MAGI2: variants seen among roughly 807,000 people sequenced by gnomAD.
The protein encoded by MAGI2 is membrane-associated guanylate kinase, WW and PDZ domain-containing protein 2.
Under a neutral mutation model 133.3 loss-of-function variants are expected in MAGI2, and 35 were observed. The ratio of observed to expected loss-of-function variants is 0.26; its 90% CI spans 0.20 to 0.35. The LOEUF (loss-of-function observed/expected upper bound fraction) is 0.35, where lower values mean the gene tolerates loss of function less well. MAGI2 is among the 10% of genes least tolerant of loss of function. MAGI2 has a pLI of 1.00. For synonymous variants in MAGI2, 729 were observed against 710.6 expected, an observed-to-expected ratio of 1.03 and a Z score of -0.41; for missense variants, 1,636 against 1,863.4, an observed-to-expected ratio of 0.88 and a Z score of 2.25.
At chr7:78,674,048 A>G (rs1814710105) in intron 2 of MAGI2, among the ~76,000 whole-genome samples, 3 of 152,166 alleles carry the variant, frequency 2.0e-5, no homozygotes, top group Non-Finnish European at 4.4e-5. Flanking sequence ...GCTTAAATTA[A>G]AAGAGACAAT....
chr7:79,352,482 A>G (rs915423696), intron 1 of MAGI2, among the ~76,000 whole-genome samples: 1 of 152,198 alleles, frequency 6.6e-6, no homozygotes, highest in Non-Finnish European at 1.5e-5. Flanking sequence ...TCAGGATTCC[A>G]GGCAGTTCTG....
intron 20 of MAGI2, among the ~76,000 whole-genome samples, chr7:78,098,922 AT>A (rs1817954405): frequency 6.6e-6 from 1 of 151,834 alleles, no homozygotes; most frequent in Non-Finnish European, 1.5e-5. Context: ...TACTTTGCCA[AT>A]TTTTTTCCCA....
chr7:78,151,889 G>A (rs1823906888), intron 16 of MAGI2, among the ~76,000 whole-genome samples: 1 of 152,026 alleles, frequency 6.6e-6, no homozygotes, highest in Admixed American at 6.6e-5. Context: ...CTTTTGATGA[G>A]GATTGCGCTG....
chr7:79,171,788 T>C (rs1825647811), intron 1 of MAGI2, among the ~76,000 whole-genome samples: 1 of 103,346 alleles, frequency 9.7e-6, no homozygotes, highest in Non-Finnish European at 2.1e-5. Flanking sequence ...TTTTTTTTTC[T>C]TTTAAAGGGT....
chr7:79,238,654 G>C (rs1354017539), intron 1 of MAGI2, among the ~76,000 whole-genome samples: 2 of 152,138 alleles, frequency 1.3e-5, no homozygotes, highest in African/African-American at 2.4e-5. Context: ...TCATCATTAA[G>C]AGTAGCTAGT....
At chr7:78,665,782 T>C (rs1235857526) in intron 2 of MAGI2, among the ~76,000 whole-genome samples, 6 of 152,308 alleles carry the variant, frequency 3.9e-5, no homozygotes, top group Admixed American at 2.0e-4. Context: ...TGTTAATTCA[T>C]GTCTTCATGT....
chr7:79,237,276 C>T (rs1199173598), intron 1 of MAGI2, among the ~76,000 whole-genome samples: 12 of 152,110 alleles, frequency 7.9e-5, no homozygotes, highest in African/African-American at 2.2e-4. Context: ...CGGTGGATCA[C>T]GAGGTCAGGC....
At chr7:78,255,633 A>C in intron 10 of MAGI2, 1 of 556,538 alleles carries the variant, frequency 1.8e-6, no homozygotes, top group South Asian at 2.3e-5. Flanking sequence ...TGACCGATAC[A>C]TGAATGAATT....
chr7:78,736,175 A>C (rs60460465), intron 2 of MAGI2, among the ~76,000 whole-genome samples: 9,970 of 152,300 alleles, frequency 0.065, 368 homozygotes, highest in Admixed American at 0.11. Flanking sequence ...ATATTCAGTT[A>C]AATTGGTACT....
chr7:78,834,978 C>T (rs1478859541), intron 2 of MAGI2, among the ~76,000 whole-genome samples: 3 of 152,186 alleles, frequency 2.0e-5, no homozygotes, highest in African/African-American at 7.2e-5. Flanking sequence ...CAGATGCCAG[C>T]ACCATGCTTG....
At chr7:78,754,630 G>A (rs1423201487) in intron 2 of MAGI2, among the ~76,000 whole-genome samples, 3 of 152,098 alleles carry the variant, frequency 2.0e-5, no homozygotes, top group Non-Finnish European at 4.4e-5. Flanking sequence ...GTTAGCATCA[G>A]CCAATTAGAT....
At chr7:78,958,135 C>T (rs995141083) in intron 2 of MAGI2, among the ~76,000 whole-genome samples, 14 of 152,136 alleles carry the variant, frequency 9.2e-5, no homozygotes, top group African/African-American at 2.2e-4. Flanking sequence ...AAGCCCTGCT[C>T]TCCTGTTTAT....
chr7:78,203,906 G>C (rs866893453), intron 10 of MAGI2, among the ~76,000 whole-genome samples: 1 of 152,284 alleles, frequency 6.6e-6, no homozygotes, highest in Middle Eastern at 3.4e-3. Context: ...GAAGTTGTGG[G>C]TCAAACTACT....
chr7:78,059,629 G>A (rs778638586), intron 21 of MAGI2, among the ~76,000 whole-genome samples: 2 of 152,110 alleles, frequency 1.3e-5, no homozygotes, highest in African/African-American at 2.4e-5. Context: ...AAGGAGCCCT[G>A]TCTGACTATT....
intron 2 of MAGI2, among the ~76,000 whole-genome samples, chr7:78,643,430 C>T (rs967405360): frequency 6.6e-6 from 1 of 152,100 alleles, no homozygotes; most frequent in African/African-American, 2.4e-5. Context: ...CTCTAGTTTG[C>T]CAGGTCATGT....
intron 2 of MAGI2, among the ~76,000 whole-genome samples, chr7:78,817,101 G>T (rs1264676549): frequency 6.6e-6 from 1 of 152,110 alleles, no homozygotes; most frequent in African/African-American, 2.4e-5. Context: ...TGACTTTTAG[G>T]GGTTCAAGAT....
At chr7:78,327,931 T>C (rs984689904) in intron 9 of MAGI2, among the ~76,000 whole-genome samples, 6 of 152,090 alleles carry the variant, frequency 3.9e-5, no homozygotes, top group Admixed American at 3.9e-4. Context: ...ATAACATTAA[T>C]TAATAATGCC....
At chr7:78,084,454 G>A (rs925505137) in intron 20 of MAGI2, among the ~76,000 whole-genome samples, 7 of 152,260 alleles carry the variant, frequency 4.6e-5, no homozygotes, top group African/African-American at 1.4e-4. Flanking sequence ...GCCTTTCAGC[G>A]ATAGTAAACG....
At chr7:78,915,552 A>G (rs1798724927) in intron 2 of MAGI2, among the ~76,000 whole-genome samples, 2 of 152,114 alleles carry the variant, frequency 1.3e-5, no homozygotes, top group South Asian at 4.1e-4. Context: ...CTCTAGGTAT[A>G]AATTTTTTTC....
Sources: gnomAD v4.1 joint callset for allele counts (sites outside exome capture counted in the v4.1 genomes callset) on GRCh38, gnomAD v4.1.1 for gene constraint, MANE v1.5 for transcripts, NCBI Gene and HGNC (gene_info 2026-07-23, HGNC 2026-07-21) for gene names.